HTR4: variants seen among roughly 807,000 people sequenced by gnomAD.
HTR4 encodes 5-hydroxytryptamine receptor 4.
A neutral mutation model predicts 36.8 loss-of-function variants in HTR4; 16 were observed. That is an observed-to-expected ratio of 0.43 (90% CI 0.29 to 0.66). HTR4 has a LOEUF of 0.66. Among genes scored for constraint, HTR4 ranks in the 30% least tolerant of loss-of-function variants. The pLI is 0.13. For missense variants in HTR4, 438 were observed against 490.9 expected (o/e 0.89, Z 1.02); for synonymous variants, 189 against 185.1 (o/e 1.02, Z -0.17).
intron 2 of HTR4, among the ~76,000 whole-genome samples, chr5:148,614,921 C>T (rs1430028228): frequency 6.7e-6 from 1 of 150,044 alleles, no homozygotes; most frequent in East Asian, 2.0e-4. Flanking sequence ...CCAAAAAACA[C>T]ATGAAAAAAT....
Position 148,484,547 on chromosome 5 carries a change from T to A in HTR4, c.1077-1254A>T, listed in dbSNP as rs59860429. Among the ~76,000 whole-genome samples, 1,270 of 152,198 alleles carry A rather than the reference T, an allele frequency of 8.3e-3. 45 individuals carry two copies. In the East Asian group the frequency reaches 0.11, roughly 13 times the overall value. On this transcript the variant is annotated intron_variant, in intron 6 of 6. Coordinates refer to ENST00000377888, the MANE Select transcript of HTR4 (RefSeq NM_000870.7). Reference sequence around the variant, plus strand: ...ACCTATTCCCCAGTCCTAGAAGAAGTTCATTCGGACTTGTTAGCAACAAGT... The same window carrying A: ...ACCTATTCCCCAGTCCTAGAAGAAGATCATTCGGACTTGTTAGCAACAAGT...
intron 6 of HTR4, among the ~76,000 whole-genome samples, chr5:148,506,592 C>G (rs1322411504): frequency 2.0e-5 from 3 of 152,102 alleles, no homozygotes; most frequent in Non-Finnish European, 4.4e-5. Context: ...AGGCAACCTA[C>G]AGAATGGGAG....
At chr5:148,474,210 C>G (rs1407005816), downstream of HTR4, among the ~76,000 whole-genome samples, 5 of 152,096 alleles carry the variant, frequency 3.3e-5, no homozygotes, top group Non-Finnish European at 7.4e-5. Flanking sequence ...GTTACAGAAC[C>G]CTGGCTTGGG....
chr5:148,465,831 C>T, intron 5 of HTR4: 1 of 1,602,936 alleles, frequency 6.2e-7, no homozygotes, highest in Non-Finnish European at 8.5e-7. Flanking sequence ...AGACTCACAA[C>T]AGACAGTGAC....
chr5:148,476,740 C>G, downstream of HTR4: 1 of 1,613,324 alleles, frequency 6.2e-7, no homozygotes, highest in Non-Finnish European at 8.5e-7. Flanking sequence ...TCAAGGAGCT[C>G]AAAATCTGGT....
chr5:148,541,795 C>T (rs1042449846), intron 4 of HTR4, among the ~76,000 whole-genome samples: 2 of 152,054 alleles, frequency 1.3e-5, no homozygotes, highest in African/African-American at 4.8e-5. Flanking sequence ...AAGGGCTTTC[C>T]TATGGGTTTT....
At chr5:148,478,482 A>G (rs1157226485), downstream of HTR4, among the ~76,000 whole-genome samples, 1 of 152,076 alleles carries the variant, frequency 6.6e-6, no homozygotes, top group African/African-American at 2.4e-5. Context: ...TCTAACGGGG[A>G]GGTGTGATTC....
intron 2 of HTR4, among the ~76,000 whole-genome samples, chr5:148,633,177 A>G (rs1327827436): frequency 6.6e-6 from 1 of 152,102 alleles, no homozygotes; most frequent in African/African-American, 2.4e-5. Context: ...TGCCTCCCCA[A>G]CCAGGGCCTG....
chr5:148,503,975 C>T (rs528165987), intron 6 of HTR4, among the ~76,000 whole-genome samples: 5 of 152,158 alleles, frequency 3.3e-5, no homozygotes, highest in South Asian at 4.1e-4. Flanking sequence ...CCAATACAGG[C>T]GGACCCAGAT....
intron 2 of HTR4, among the ~76,000 whole-genome samples, chr5:148,575,765 T>C (rs973811699): frequency 6.6e-6 from 1 of 151,950 alleles, no homozygotes; most frequent in Non-Finnish European, 1.5e-5. Flanking sequence ...TCAATATTGA[T>C]ACATTTCGCA....
intron 4 of HTR4, among the ~76,000 whole-genome samples, chr5:148,527,191 T>C (rs1240810197): frequency 6.6e-6 from 1 of 152,154 alleles, no homozygotes; most frequent in East Asian, 1.9e-4. Flanking sequence ...ATATTTTACA[T>C]AAATAAATAA....
chr5:148,465,453 G>A (rs1755401934), intron 5 of HTR4, among the ~76,000 whole-genome samples: 1 of 152,136 alleles, frequency 6.6e-6, no homozygotes, highest in South Asian at 2.1e-4. Context: ...ACGATCAATT[G>A]TTTAAGAAGT....
chr5:148,567,845 T>C (rs752034345), intron 2 of HTR4, among the ~76,000 whole-genome samples: 3 of 152,170 alleles, frequency 2.0e-5, no homozygotes, highest in Non-Finnish European at 2.9e-5. Flanking sequence ...TTCCTGATGG[T>C]ATGTATCTAA....
intron 2 of HTR4, among the ~76,000 whole-genome samples, chr5:148,552,037 G>C (rs1759720603): frequency 6.6e-6 from 1 of 152,100 alleles, no homozygotes; most frequent in African/African-American, 2.4e-5. Flanking sequence ...TCTTTCCTGA[G>C]CTCTTTTGAC....
intron 1 of HTR4, among the ~76,000 whole-genome samples, chr5:148,642,853 C>T (rs1414316283): frequency 6.6e-6 from 1 of 152,042 alleles, no homozygotes; most frequent in Non-Finnish European, 1.5e-5. Context: ...TCAGCTGATA[C>T]ATTCTCTTTA....
chr5:148,652,836 G>A (rs1227598243), intron 1 of HTR4, among the ~76,000 whole-genome samples: 1 of 152,142 alleles, frequency 6.6e-6, no homozygotes, highest in Non-Finnish European at 1.5e-5. Context: ...AAATAAACAT[G>A]ATTAAGAAAT....
At chr5:148,496,055 G>A (rs149658387) in intron 6 of HTR4, among the ~76,000 whole-genome samples, 33 of 152,174 alleles carry the variant, frequency 2.2e-4, no homozygotes, top group Non-Finnish European at 3.4e-4. Flanking sequence ...AGCCGAAATC[G>A]CGCCACTGCA....
chr5:148,544,606 T>C (rs1367903049), intron 4 of HTR4, among the ~76,000 whole-genome samples: 2 of 152,188 alleles, frequency 1.3e-5, no homozygotes, highest in Non-Finnish European at 2.9e-5. Flanking sequence ...AAATCAACTG[T>C]ACTCTAAAGC....
At chr5:148,598,558 A>G (rs140334090) in intron 2 of HTR4, among the ~76,000 whole-genome samples, 339 of 152,266 alleles carry the variant, frequency 2.2e-3, no homozygotes, top group African/African-American at 7.6e-3. Context: ...TCTAAAAAAA[A>G]AATAAAAAAA....
Sources: gnomAD v4.1 joint callset for allele counts (sites outside exome capture counted in the v4.1 genomes callset) on GRCh38, gnomAD v4.1.1 for gene constraint, MANE v1.5 for transcripts, NCBI Gene and HGNC (gene_info 2026-07-23, HGNC 2026-07-21) for gene names.